PRTG: variants seen among roughly 807,000 people sequenced by gnomAD.
PRTG encodes immunoglobulin superfamily, DCC subclass, member 5.
In PRTG, 67 loss-of-function variants were observed where a neutral mutation model predicts 122.5. The observed-to-expected ratio is 0.55, with a 90% CI of 0.45 to 0.67. PRTG has a LOEUF of 0.67. PRTG is among the 30% of genes least tolerant of loss of function. The pLI is 0.00. For missense variants in PRTG, 1,435 were observed against 1,415.4 expected, an observed-to-expected ratio of 1.01 and a Z score of -0.22; for synonymous variants, 554 against 501.1, an observed-to-expected ratio of 1.11 and a Z score of -1.41.
chr15:55,662,121 G>GA (rs1398168641), intron 11 of PRTG, among the ~76,000 whole-genome samples: 1 of 152,110 alleles, frequency 6.6e-6, no homozygotes, highest in African/African-American at 2.4e-5. Context: ...TAAAGATGGT[G>GA]AAAAAAATGT....
chr15:55,635,103 G>GTGTGTGTGTGTGTGTGTGTGTT, intron 15 of PRTG, among the ~76,000 whole-genome samples: 1 of 112,862 alleles, frequency 8.9e-6, no homozygotes, highest in African/African-American at 4.5e-5. Context: ...GTGTGTGTGT[G>GTGTGTGTGTGTGTGTGTGTGTT]TTTTTTGAGA....
chr15:55,691,923 G>C (rs1015728034), intron 2 of PRTG, among the ~76,000 whole-genome samples: 1 of 152,012 alleles, frequency 6.6e-6, no homozygotes, highest in Non-Finnish European at 1.5e-5. Context: ...TGCAGTCCCA[G>C]CTACTCAGGC....
Position 55,683,875 on chromosome 15 carries a change from C to G in PRTG, c.454G>C (p.Ala152Pro), listed in dbSNP as rs201901731. Residue 152 changes from alanine (A) to proline (P), a missense_variant, in exon 3 of 20, where the codon GCT becomes CCT. Coordinates refer to ENST00000389286, the MANE Select transcript of PRTG (RefSeq NM_173814.6). The stretch of plus-strand genomic sequence containing the variant: ...GATGAAATCTTGCATGCAAATCGAG[C>G]AACTCCACCTTCGTGGACCTCAGTG... ...ISTEVHEGGV[A>P]RFACKISSHP... 4.3e-6 allele frequency: 7 copies of G among 1,613,654 alleles called. No individual in the cohort carries two copies. Among genetic ancestry groups the G allele is most frequent in the Admixed American group, 1.7e-5 (1 of 59,996 alleles).
chr15:55,739,648 C>T (rs74992254), intron 2 of PRTG, among the ~76,000 whole-genome samples: 278 of 152,252 alleles, frequency 1.8e-3, no homozygotes, highest in African/African-American at 6.5e-3. Context: ...TGTCCTAGGC[C>T]TATCTTTACA....
Position 55,673,399 on chromosome 15 carries a change from A to G in PRTG, c.1824T>C (p.His608=), listed in dbSNP as rs748768853. 1 of 1,613,874 alleles carries G rather than the reference A, an allele frequency of 6.2e-7. No homozygotes were observed. The change falls in exon 10 of 20, where the codon CAT becomes CAC. Residue 608 remains histidine (H), a synonymous_variant. Transcript: ENST00000389286. ...TCACGCTTGTAGCTTTGGGCGTCCT[A>G]TGTGAAGTCCATACTGATGACTCTC... The part of the protein sequence containing the change: ...GLGESSVWTS[H]RTPKATSVKA...
chr15:55,689,390 AT>A (rs2059587723), intron 2 of PRTG, among the ~76,000 whole-genome samples: 1 of 152,210 alleles, frequency 6.6e-6, no homozygotes, highest in Non-Finnish European at 1.5e-5. Context: ...AAGAAAAAAA[AT>A]CTTCCTTTAT....
intron 2 of PRTG, among the ~76,000 whole-genome samples, chr15:55,727,527 G>A (rs1012384069): frequency 1.3e-5 from 2 of 152,152 alleles, no homozygotes; most frequent in Admixed American, 6.5e-5. Flanking sequence ...CGGACATGGT[G>A]GCTCACGCCT....
chr15:55,700,783 TAAATA>T (rs1328368639), intron 2 of PRTG, among the ~76,000 whole-genome samples: 2 of 151,846 alleles, frequency 1.3e-5, no homozygotes, highest in East Asian at 1.9e-4. Flanking sequence ...TCTCTAAAAA[TAAATA>T]AAATAAACCC....
At chr15:55,699,939 A>T (rs1484344506) in intron 2 of PRTG, among the ~76,000 whole-genome samples, 3 of 152,156 alleles carry the variant, frequency 2.0e-5, no homozygotes, top group Admixed American at 6.5e-5. Context: ...ATAAAAAGCT[A>T]CTCTAAAGTT....
chr15:55,698,995 G>A (rs561091760), intron 2 of PRTG, among the ~76,000 whole-genome samples: 15 of 152,178 alleles, frequency 9.9e-5, no homozygotes, highest in South Asian at 2.1e-4. Flanking sequence ...AAATGGTAGC[G>A]CTCTTCTCAG....
At chr15:55,717,450 A>T (rs715321) in intron 2 of PRTG, among the ~76,000 whole-genome samples, 26,990 of 152,210 alleles carry the variant, frequency 0.18, 3,250 homozygotes, top group East Asian at 0.58. Context: ...AAAAAGCAAA[A>T]GCCACAGTGA....
intron 2 of PRTG, among the ~76,000 whole-genome samples, chr15:55,695,845 C>G (rs544879490): frequency 1.1e-3 from 175 of 152,296 alleles, no homozygotes; most frequent in African/African-American, 4.1e-3. Flanking sequence ...GTGGTTCATA[C>G]CTGTAGTCTC....
intron 2 of PRTG, among the ~76,000 whole-genome samples, chr15:55,721,595 A>G (rs1457342664): frequency 6.6e-6 from 1 of 152,178 alleles, no homozygotes; most frequent in Non-Finnish European, 1.5e-5. Context: ...TTCCTTCAAA[A>G]TTTAGCTTAC....
chr15:55,630,276 A>G (rs1426275021), intron 15 of PRTG, among the ~76,000 whole-genome samples: 2 of 151,714 alleles, frequency 1.3e-5, no homozygotes, highest in South Asian at 4.2e-4. Context: ...ATGAGCCACC[A>G]CGCCCGGCCA....
At chr15:55,674,355 T>C (rs139803444) in intron 9 of PRTG, among the ~76,000 whole-genome samples, 1 of 152,210 alleles carries the variant, frequency 6.6e-6, no homozygotes, top group African/African-American at 2.4e-5. Context: ...ATGAAGAAAA[T>C]AATAATAGCT....
At chr15:55,635,103 G>GTGTGTGTGTGTGTGTGTT (rs1171883359) in intron 15 of PRTG, among the ~76,000 whole-genome samples, 1 of 112,772 alleles carries the variant, frequency 8.9e-6, no homozygotes, top group African/African-American at 4.6e-5. Flanking sequence ...GTGTGTGTGT[G>GTGTGTGTGTGTGTGTGTT]TTTTTTGAGA....
At position 55,725,357 on chromosome 15, in the gene PRTG, T is replaced by G. The variant is rs190134455; in HGVS notation, c.397+15025A>C. 5.2e-4 allele frequency among the ~76,000 whole-genome samples: 79 copies of G among 151,994 alleles called. 2 individuals are homozygous for G. In the East Asian group the frequency reaches 0.013, roughly 25 times the overall value. On this transcript the variant is annotated intron_variant, in intron 2 of 19. Transcript: ENST00000389286. Reference sequence around the variant, plus strand: ...AAAAGCAACTAAACACAAAAGAAGTTAGGAATGCTGAAAATGAGAGACAAA... The same window carrying G: ...AAAAGCAACTAAACACAAAAGAAGTGAGGAATGCTGAAAATGAGAGACAAA...
Position 55,624,389 on chromosome 15 carries a change from C to G in PRTG, c.3046G>C (p.Glu1016Gln). The change falls in exon 18 of 20, where the codon GAA (glutamate) becomes CAA (glutamine). Residue 1016 changes from glutamate to glutamine, a missense_variant. By Grantham distance (29) the Glu-to-Gln change is conservative (BLOSUM62 2). Transcript: ENST00000389286. ...GGCATGATCATTGGCATTAAAGATT[C>G]TTCATTTCCTACAGCTCCTTCCAGG... Reference protein sequence around the residue: ...KNLEGAVGNEESLMPMIMPNS... With the variant: ...KNLEGAVGNEQSLMPMIMPNS... The G allele has an allele frequency of 1.2e-6, 2 of 1,614,080 alleles. No individual in the cohort carries two copies. Among genetic ancestry groups the G allele is most frequent in the Non-Finnish European group, 1.7e-6 (2 of 1,179,974 alleles).
intron 2 of PRTG, among the ~76,000 whole-genome samples, chr15:55,691,712 T>G (rs2059603540): frequency 6.6e-6 from 1 of 150,380 alleles, no homozygotes; most frequent in Non-Finnish European, 1.5e-5. Context: ...TGTGTTAAAT[T>G]TCTACATTTC....
Sources: allele counts gnomAD v4.1 joint callset (sites outside exome capture counted in the v4.1 genomes callset), GRCh38; gene constraint gnomAD v4.1.1; transcripts MANE v1.5; gene names NCBI Gene and HGNC (gene_info 2026-07-23, HGNC 2026-07-21).